ZNF331: variants seen among roughly 807,000 people sequenced by gnomAD.
ZNF331 encodes zinc finger protein 331.
Under a neutral mutation model 7.0 loss-of-function variants are expected in ZNF331, and 2 were observed. That is an observed-to-expected ratio of 0.29 (90% confidence interval 0.12 to 0.90). ZNF331 has a LOEUF of 0.90. ZNF331 is among the 40% of genes least tolerant of loss of function. The pLI is 0.58. For synonymous variants in ZNF331, 196 were observed against 205.4 expected (o/e 0.95, Z 0.39); for missense variants, 432 against 587.7 (o/e 0.74, Z 2.74).
intron 3 of ZNF331, among the ~76,000 whole-genome samples, chr19:53,564,059 C>A (rs1568524574): frequency 7.7e-6 from 1 of 130,416 alleles, no homozygotes. Flanking sequence ...AAAAAAAGAG[C>A]ACAGAGCCTG....
chr19:53,506,715 T>C, the ZNF331 span, among the ~76,000 whole-genome samples: 2 of 152,014 alleles, frequency 1.3e-5, no homozygotes, highest in Non-Finnish European at 2.9e-5. Context: ...AGAGGGTCTT[T>C]TGTGCTAATT....
chr19:53,562,666 G>T (rs1210784227), intron 3 of ZNF331, among the ~76,000 whole-genome samples: 1 of 149,510 alleles, frequency 6.7e-6, no homozygotes, highest in East Asian at 2.0e-4. Flanking sequence ...CTCCAGCCTG[G>T]GCAACAAGAG....
chr19:53,515,257 T>A (rs71363351), upstream of ZNF331, among the ~76,000 whole-genome samples: 5 of 152,120 alleles, frequency 3.3e-5, no homozygotes, highest in African/African-American at 1.2e-4. Context: ...CTTCTAACAT[T>A]GATGAATGCA....
At chr19:53,546,140 G>GGAAAAAAAAAAAAAAAAA (rs551214509) in intron 2 of ZNF331, among the ~76,000 whole-genome samples, 3 of 113,512 alleles carry the variant, frequency 2.6e-5, no homozygotes, top group East Asian at 5.9e-4. Flanking sequence ...TCCTGAGGGG[G>GGAAAAAAAAAAAAAAAAA]AAAAAAAAAA....
At chr19:53,567,525 G>A (rs1430538846) in intron 3 of ZNF331, among the ~76,000 whole-genome samples, 13 of 152,060 alleles carry the variant, frequency 8.5e-5, no homozygotes, top group Non-Finnish European at 1.9e-4. Flanking sequence ...AAGCTTGGTG[G>A]GGATTCCTCA....
intron 5 of ZNF331, among the ~76,000 whole-genome samples, chr19:53,576,477 G>A (rs547616847): frequency 5.9e-5 from 9 of 152,176 alleles, no homozygotes; most frequent in African/African-American, 2.2e-4. Context: ...ACTAATTGTC[G>A]GGACCTTTTT....
chr19:53,544,411 A>G lies in ZNF331; in HGVS notation c.-138+5129A>G, dbSNP rs1348882651. On this transcript the variant is annotated intron_variant, in intron 2 of 5. Transcript: ENST00000449416. Reference sequence around the variant, plus strand: ...ATACAAAAAATTAGCCGGGCGAGGTAGTGGGCACCTGTAGTCCCAGCTACT... The same window carrying G: ...ATACAAAAAATTAGCCGGGCGAGGTGGTGGGCACCTGTAGTCCCAGCTACT... Among the ~76,000 whole-genome samples the G allele has an allele frequency of 4.7e-4, 64 of 135,596 alleles. No homozygotes were observed. In the Middle Eastern group the frequency reaches 0.023, roughly 49 times the overall value. The allele number at this position is 135,596 out of a possible 152,430, so 89.0% of individuals were successfully genotyped here. A position where few individuals can be genotyped will look rare whatever the true frequency, so the allele number is the denominator to read the frequency against.
rs2089616402 is a variant in ZNF331 at position 53,558,959 on chromosome 19, T to G, written c.-74+3051T>G. On this transcript the variant is annotated intron_variant, in intron 3 of 5. Transcript: ENST00000449416. The surrounding 1 kb of genome is among the most constrained non-coding windows in gnomAD (Gnocchi z 4.5). ...ACCATACACACATATACACATACCATATACACACCATACACACATATACAC... is the reference window on the plus strand; with the variant it reads ...ACCATACACACATATACACATACCAGATACACACCATACACACATATACAC... Among the ~76,000 whole-genome samples, 1 of 132,452 alleles carries G rather than the reference T, an allele frequency of 7.5e-6. No homozygotes were observed. Among genetic ancestry groups the G allele is most frequent in the Admixed American group, 7.6e-5 (1 of 13,192 alleles). 86.9% of individuals were successfully genotyped at this position (132,452 alleles called of 152,430 possible). A position where few individuals can be genotyped will look rare whatever the true frequency, so the allele number is the denominator to read the frequency against.
At chr19:53,533,759 T>C (rs1779168619), upstream of ZNF331, among the ~76,000 whole-genome samples, 1 of 152,332 alleles carries the variant, frequency 6.6e-6, no homozygotes, top group Middle Eastern at 3.4e-3. Context: ...TCTCTTCTTA[T>C]AGTTTTTGAC....
chr19:53,520,525 C>A (rs17207135), upstream of ZNF331, among the ~76,000 whole-genome samples: 1 of 152,034 alleles, frequency 6.6e-6, no homozygotes, highest in Admixed American at 6.5e-5. Context: ...GCCGACAGGG[C>A]TTCCAGCATT....
chr19:53,539,919 A>G lies in ZNF331; in HGVS notation c.-138+637A>G, dbSNP rs1290245364. ...TCTGCAGCTACAAAGAAGTAAGTTT[A>G]GTTATAACCGTAAGAAAGAAAAATG... On this transcript the variant is annotated intron_variant, in intron 2 of 5. Transcript: ENST00000449416. This position sits in a 1 kb window ranked among gnomAD's most constrained non-coding sequence, Gnocchi z 6.1. Among the ~76,000 whole-genome samples the G allele has an allele frequency of 1.3e-5, 2 of 152,234 alleles. No homozygotes were observed. Among genetic ancestry groups the G allele is most frequent in the East Asian group, 1.9e-4 (1 of 5,200 alleles).
At position 53,558,929 on chromosome 19, in the gene ZNF331, T is replaced by C. The variant is rs2089611011; in HGVS notation, c.-74+3021T>C. The stretch of plus-strand genomic sequence containing the variant: ...ACACACCTACATATATACACACACA[T>C]ACACACCATACACACATATACACAT... On this transcript the variant is annotated intron_variant, in intron 3 of 5. Coordinates refer to ENST00000449416, the MANE Select transcript of ZNF331 (RefSeq NM_001079906.2). This position sits in a 1 kb window ranked among gnomAD's most constrained non-coding sequence, Gnocchi z 4.5. Among the ~76,000 whole-genome samples, 1 of 113,434 alleles carries C rather than the reference T, an allele frequency of 8.8e-6. No homozygotes were observed. Among genetic ancestry groups the C allele is most frequent in the South Asian group, 2.4e-4 (1 of 4,110 alleles). The allele number at this position is 113,434 out of a possible 152,430, so 74.4% of individuals were successfully genotyped here. A position where few individuals can be genotyped will look rare whatever the true frequency, so the allele number is the denominator to read the frequency against.
At chr19:53,511,156 G>A in the ZNF331 span, among the ~76,000 whole-genome samples, 2 of 152,020 alleles carry the variant, frequency 1.3e-5, no homozygotes, top group East Asian at 1.9e-4. Flanking sequence ...TCTAACCCAC[G>A]CATGCAGCAA....
upstream of ZNF331, among the ~76,000 whole-genome samples, chr19:53,519,177 G>A (rs2086979191): frequency 6.6e-6 from 1 of 151,872 alleles, no homozygotes; most frequent in Non-Finnish European, 1.5e-5. Context: ...CCTCACAGGC[G>A]CCCTCCCTTA....
chr19:53,546,140 GAAAAA>G (rs527391326), intron 2 of ZNF331, among the ~76,000 whole-genome samples: 1,493 of 113,520 alleles, frequency 0.013, 42 homozygotes, highest in African/African-American at 0.042. Context: ...TCCTGAGGGG[GAAAAA>G]AAAAAAAAAA....
At chr19:53,516,459 A>T (rs1454167016), upstream of ZNF331, among the ~76,000 whole-genome samples, 1 of 152,128 alleles carries the variant, frequency 6.6e-6, no homozygotes, top group Non-Finnish European at 1.5e-5. Flanking sequence ...AAAAAAAAAA[A>T]AAAAAAGTAT....
At chr19:53,557,392 G>C (rs1210023203) in intron 3 of ZNF331, among the ~76,000 whole-genome samples, 3 of 152,180 alleles carry the variant, frequency 2.0e-5, no homozygotes, top group Non-Finnish European at 4.4e-5. Context: ...CATGGTGAAA[G>C]GGAGCTGAGA....
At chr19:53,506,184 A>C in the ZNF331 span, among the ~76,000 whole-genome samples, 1 of 145,998 alleles carries the variant, frequency 6.8e-6, no homozygotes. Context: ...AAATACAAAA[A>C]ATTAGCCGGG....
intron 5 of ZNF331, among the ~76,000 whole-genome samples, chr19:53,575,979 G>A (rs1196339841): frequency 2.0e-5 from 3 of 149,696 alleles, no homozygotes; most frequent in Non-Finnish European, 4.4e-5. Context: ...ACCGTGCCCA[G>A]TCTGTTTTTT....
Sources: allele counts gnomAD v4.1 joint callset (sites outside exome capture counted in the v4.1 genomes callset), GRCh38; gene constraint gnomAD v4.1.1; non-coding constraint Gnocchi (gnomAD v3.1); transcripts MANE v1.5; gene names NCBI Gene and HGNC (gene_info 2026-07-23, HGNC 2026-07-21).